The following SMOC2 variants were observed in gnomAD, a reference collection of about 807,000 sequenced individuals.
The protein encoded by SMOC2 is SPARC-related modular calcium-binding protein 2.
Under a neutral mutation model 61.4 loss-of-function variants are expected in SMOC2, and 39 were observed. That is an observed-to-expected ratio of 0.64 (90% CI 0.49 to 0.83). SMOC2 has a LOEUF of 0.83. SMOC2 is among the 40% of genes least tolerant of loss of function. The pLI, the probability that SMOC2 is intolerant of heterozygous loss-of-function variation, is 0.00. For missense variants in SMOC2, 556 were observed against 592.9 expected (o/e 0.94, Z 0.65); for synonymous variants, 247 against 239.9 (o/e 1.03, Z -0.27).
At chr6:168,480,151 A>C (rs978104940) in intron 1 of SMOC2, among the ~76,000 whole-genome samples, 2 of 152,212 alleles carry the variant, frequency 1.3e-5, no homozygotes, top group African/African-American at 4.8e-5. Flanking sequence ...AAAATGAAGA[A>C]TCTGACTTCA....
intron 7 of SMOC2, among the ~76,000 whole-genome samples, chr6:168,551,346 C>T (rs1379093986): frequency 1.3e-5 from 2 of 152,106 alleles, no homozygotes; most frequent in East Asian, 3.8e-4. Flanking sequence ...ATCTTGAAAA[C>T]CATTGAAGAA....
chr6:168,507,616 G>A (rs1782906523), intron 1 of SMOC2, among the ~76,000 whole-genome samples: 2 of 152,236 alleles, frequency 1.3e-5, no homozygotes, highest in South Asian at 4.1e-4. Flanking sequence ...TGCTGGAAGA[G>A]CTCAGTCAAT....
chr6:168,510,433 G>A (rs1782979731), intron 2 of SMOC2, among the ~76,000 whole-genome samples: 1 of 152,090 alleles, frequency 6.6e-6, no homozygotes, highest in African/African-American at 2.4e-5. Context: ...AATAGCACGT[G>A]TGCAGTTTTC....
intron 1 of SMOC2, among the ~76,000 whole-genome samples, chr6:168,487,362 T>C (rs557579022): frequency 2.0e-5 from 3 of 152,312 alleles, no homozygotes; most frequent in Middle Eastern, 3.4e-3. Context: ...AAGGCAGTCT[T>C]TATTTCAGAA....
At chr6:168,574,237 G>C (rs761878845) in intron 7 of SMOC2, among the ~76,000 whole-genome samples, 150 of 152,358 alleles carry the variant, frequency 9.8e-4, no homozygotes, top group Admixed American at 2.7e-3. Context: ...AGGGGGGCCA[G>C]GCCCTGAGCA....
intron 9 of SMOC2, among the ~76,000 whole-genome samples, chr6:168,639,553 AT>A (rs1237895892): frequency 1.3e-5 from 2 of 152,180 alleles, no homozygotes; most frequent in African/African-American, 4.8e-5. Context: ...ACAGTAAATT[AT>A]TTTTAACTAT....
chr6:168,517,876 G>T lies in SMOC2; in HGVS notation c.256+7790G>T, dbSNP rs544754171. ...GGGCGGGCTCTGCAGGTGTCCCGAT[G>T]CCCAGCCCAGCTCCAGACTCTCAGG... On this transcript the variant is annotated intron_variant, in intron 2 of 12. Transcript: ENST00000356284. Among the ~76,000 whole-genome samples the T allele has an allele frequency of 5.5e-3, 841 of 152,302 alleles. 6 individuals are homozygous for T. The highest frequency in any genetic ancestry group is 6.9e-3 in the Non-Finnish European group (471 of 68,002).
chr6:168,594,991 GGGCATCTTTCT>G (rs1785278421), intron 7 of SMOC2, among the ~76,000 whole-genome samples: 4 of 31,766 alleles, frequency 1.3e-4, no homozygotes, highest in African/African-American at 3.5e-4. Flanking sequence ...GAGGCCTCAC[GGGCATCTTTCT>G]AGAGGATCGC....
chr6:168,601,845 C>T (rs188538914), intron 8 of SMOC2, among the ~76,000 whole-genome samples: 91 of 152,284 alleles, frequency 6.0e-4, no homozygotes, highest in African/African-American at 2.1e-3. Context: ...TCCCGTCCAT[C>T]GATGCTGGTT....
intron 1 of SMOC2, among the ~76,000 whole-genome samples, chr6:168,455,091 G>A (rs1340744455): frequency 3.3e-5 from 5 of 152,150 alleles, no homozygotes; most frequent in African/African-American, 1.2e-4. Context: ...GGGTGCCGGG[G>A]CGGAGTGAGG....
At chr6:168,527,349 A>G (rs564636197) in intron 3 of SMOC2, among the ~76,000 whole-genome samples, 27 of 152,320 alleles carry the variant, frequency 1.8e-4, no homozygotes, top group African/African-American at 6.3e-4. Flanking sequence ...CTAGGGCTCC[A>G]TCTGGAAGGC....
intron 8 of SMOC2, 25 bp downstream of exon 8, chr6:168,599,029 C>T (rs752600933): frequency 7.7e-6 from 12 of 1,550,930 alleles, no homozygotes; most frequent in East Asian, 2.4e-5. Flanking sequence ...CCCACCCCCC[C>T]CGGGACCATG....
intron 9 of SMOC2, among the ~76,000 whole-genome samples, chr6:168,641,424 G>C (rs557525082): frequency 1.9e-4 from 29 of 152,262 alleles, no homozygotes; most frequent in African/African-American, 4.1e-4. Flanking sequence ...GGCAAAATTG[G>C]TGCTTTTTAC....
chr6:168,664,941 C>T (rs1013948735), intron 12 of SMOC2: 66 of 393,142 alleles, frequency 1.7e-4, no homozygotes, highest in Admixed American at 6.1e-5. Flanking sequence ...AGGCAAGCCC[C>T]TGTATTTGTT....
At chr6:168,450,816 A>G (rs1317453244) in intron 1 of SMOC2, among the ~76,000 whole-genome samples, 3 of 152,242 alleles carry the variant, frequency 2.0e-5, no homozygotes, top group African/African-American at 7.2e-5. Context: ...AGGTGGCACT[A>G]GTTGGTGATC....
At chr6:168,540,949 GAAGGAGCTTATGC>G (rs912320194) in intron 4 of SMOC2, among the ~76,000 whole-genome samples, 4 of 152,134 alleles carry the variant, frequency 2.6e-5, no homozygotes, top group Non-Finnish European at 5.9e-5. Flanking sequence ...AGGGCGTCTG[GAAGGAGCTTATGC>G]AAACCACTGC....
intron 1 of SMOC2, among the ~76,000 whole-genome samples, chr6:168,477,458 G>A (rs903998366): frequency 2.0e-5 from 3 of 152,142 alleles, no homozygotes; most frequent in African/African-American, 7.2e-5. Flanking sequence ...TCTTTCTCCT[G>A]GAAAGTATGA....
In SMOC2 at chr6:168,526,954, G is replaced by A. The variant is rs111603890; in HGVS notation, c.363+502G>A. ...AAGGCACTGTTGAGAAAGTCAGCCAGCTCTCCGTTTTGAGTGTGTCAATGC... is the reference window on the plus strand; with the variant it reads ...AAGGCACTGTTGAGAAAGTCAGCCAACTCTCCGTTTTGAGTGTGTCAATGC... On this transcript the variant is annotated intron_variant, in intron 3 of 12. Transcript: ENST00000356284. 1.4e-3 allele frequency among the ~76,000 whole-genome samples: 216 copies of A among 152,284 alleles called. 2 individuals are homozygous for A. Among genetic ancestry groups the A allele is most frequent in the Middle Eastern group, 0.01 (3 of 294 alleles).
intron 1 of SMOC2, among the ~76,000 whole-genome samples, chr6:168,497,084 C>T (rs976361672): frequency 3.3e-5 from 5 of 152,198 alleles, no homozygotes; most frequent in East Asian, 3.9e-4. Flanking sequence ...TAAAGCTATG[C>T]GAGAGCCCTG....
Sources: gnomAD v4.1 joint callset for allele counts (sites outside exome capture counted in the v4.1 genomes callset) on GRCh38, gnomAD v4.1.1 for gene constraint, MANE v1.5 for transcripts, NCBI Gene and HGNC (gene_info 2026-07-23, HGNC 2026-07-21) for gene names.